IGF2BP3: variants seen among roughly 807,000 people sequenced by gnomAD.
IGF2BP3 encodes the protein insulin like growth factor 2 mRNA binding protein 3.
Under a neutral mutation model 73.8 loss-of-function variants are expected in IGF2BP3, and 9 were observed. The ratio of observed to expected loss-of-function variants is 0.12; its 90% confidence interval spans 0.07 to 0.21. IGF2BP3 has a LOEUF of 0.21. Among genes scored for constraint, IGF2BP3 ranks in the 10% least tolerant of loss-of-function variants. The pLI is 1.00. For synonymous variants in IGF2BP3, 258 were observed against 256.7 expected, an observed-to-expected ratio of 1.01 and a Z score of -0.05; for missense variants, 542 against 714.0, an observed-to-expected ratio of 0.76 and a Z score of 2.75.
At position 23,469,103 on chromosome 7, in the gene IGF2BP3, G is replaced by A. The variant is rs1788641208; in HGVS notation, c.176-561C>T. ...TGAACCAGGCGCGAAGGACGGCGAGGCGCCCGCACCACGTCTGAATTGATT... is the reference window on the plus strand; with the variant it reads ...TGAACCAGGCGCGAAGGACGGCGAGACGCCCGCACCACGTCTGAATTGATT... On this transcript the variant is annotated intron_variant, in intron 1 of 14. Coordinates refer to ENST00000258729, the MANE Select transcript of IGF2BP3 (RefSeq NM_006547.3). The surrounding 1 kb of genome is among the most constrained non-coding windows in gnomAD (Gnocchi z 6.1). 1 of 162,116 alleles carries A rather than the reference G, an allele frequency of 6.2e-6. No individual in the cohort carries two copies. Among genetic ancestry groups the A allele is most frequent in the South Asian group, 1.6e-4 (1 of 6,132 alleles). 10.0% of individuals were successfully genotyped at this position (162,116 alleles called of 1,614,324 possible).
intron 2 of IGF2BP3, among the ~76,000 whole-genome samples, chr7:23,426,981 T>C (rs1167242145): frequency 2.0e-5 from 3 of 152,206 alleles, no homozygotes; most frequent in African/African-American, 7.2e-5. Context: ...ACAGGATAAA[T>C]ACTTTATTCT....
chr7:23,444,872 A>C (rs1788022606), intron 2 of IGF2BP3, among the ~76,000 whole-genome samples: 1 of 152,180 alleles, frequency 6.6e-6, no homozygotes, highest in South Asian at 2.1e-4. Flanking sequence ...GTTGGTGACC[A>C]GTTTGAGCAA....
At chr7:23,321,615 G>C (rs1311282626) in intron 10 of IGF2BP3, among the ~76,000 whole-genome samples, 2 of 152,218 alleles carry the variant, frequency 1.3e-5, no homozygotes, top group Non-Finnish European at 2.9e-5. Context: ...CCACCTCTGG[G>C]GGCAGGGCAC....
At chr7:23,339,659 T>C (rs1276516705) in intron 10 of IGF2BP3, among the ~76,000 whole-genome samples, 2 of 152,126 alleles carry the variant, frequency 1.3e-5, no homozygotes, top group Non-Finnish European at 2.9e-5. Context: ...GACACCTCAG[T>C]TTACAAACTG....
intron 3 of IGF2BP3, among the ~76,000 whole-genome samples, chr7:23,373,023 C>T (rs1224631292): frequency 6.6e-6 from 1 of 152,170 alleles, no homozygotes; most frequent in Non-Finnish European, 1.5e-5. Flanking sequence ...CCTCATTTCC[C>T]TATGCAATTT....
At chr7:23,364,516 C>G (rs1315611437) in intron 3 of IGF2BP3, among the ~76,000 whole-genome samples, 1 of 128,336 alleles carries the variant, frequency 7.8e-6, no homozygotes, top group Non-Finnish European at 1.6e-5. Context: ...CCACTGCATT[C>G]CAGCCTGGGA....
At chr7:23,397,326 G>C (rs1182137343) in intron 3 of IGF2BP3, among the ~76,000 whole-genome samples, 1 of 152,226 alleles carries the variant, frequency 6.6e-6, no homozygotes. Context: ...CAGGGAAGGA[G>C]CTCAGCTCCA....
chr7:23,425,108 C>T (rs1179243035), intron 2 of IGF2BP3, among the ~76,000 whole-genome samples: 5 of 152,214 alleles, frequency 3.3e-5, no homozygotes, highest in Non-Finnish European at 7.3e-5. Flanking sequence ...TAGATATCCA[C>T]TAAGTGTTTA....
At chr7:23,356,383 C>T (rs1785096975) in intron 5 of IGF2BP3, among the ~76,000 whole-genome samples, 1 of 151,778 alleles carries the variant, frequency 6.6e-6, no homozygotes, top group African/African-American at 2.4e-5. Context: ...CACAGTGAGA[C>T]CCTGCCTCTA....
At chr7:23,452,753 G>A (rs2128549037) in intron 2 of IGF2BP3, among the ~76,000 whole-genome samples, 1 of 148,590 alleles carries the variant, frequency 6.7e-6, no homozygotes, top group East Asian at 2.0e-4. Flanking sequence ...AGTGAGCCGA[G>A]ATCGTGCCAT....
intron 2 of IGF2BP3, among the ~76,000 whole-genome samples, chr7:23,456,589 C>A (rs1418279907): frequency 2.0e-5 from 3 of 152,168 alleles, no homozygotes; most frequent in Non-Finnish European, 2.9e-5. Context: ...ATGAAATGGG[C>A]AAAGACTTGT....
chr7:23,468,694 C>T, intron 1 of IGF2BP3, 152 bp from the exon 2 acceptor site: 2 of 734,362 alleles, frequency 2.7e-6, no homozygotes, highest in Middle Eastern at 6.5e-4. Context: ...AGGGAGAAGC[C>T]GACCCCCTCG....
intron 2 of IGF2BP3, among the ~76,000 whole-genome samples, chr7:23,432,004 G>A (rs1471205032): frequency 6.6e-6 from 1 of 152,168 alleles, no homozygotes; most frequent in Non-Finnish European, 1.5e-5. Context: ...CAATGAGCAA[G>A]GGAACAAAGT....
intron 2 of IGF2BP3, among the ~76,000 whole-genome samples, chr7:23,421,678 G>A (rs369396261): frequency 2.8e-5 from 4 of 142,250 alleles, no homozygotes; most frequent in Middle Eastern, 3.9e-3. Context: ...GTGACAGAGC[G>A]AGACTCCATC....
chr7:23,337,935 G>C (rs1288088802), intron 10 of IGF2BP3, among the ~76,000 whole-genome samples: 1 of 152,212 alleles, frequency 6.6e-6, no homozygotes, highest in East Asian at 1.9e-4. Context: ...AGAAGCACCA[G>C]TCCTGAAGGA....
intron 3 of IGF2BP3, among the ~76,000 whole-genome samples, chr7:23,393,171 C>T (rs890724426): frequency 1.3e-5 from 2 of 152,126 alleles, no homozygotes; most frequent in Non-Finnish European, 2.9e-5. Context: ...TCCAGAAGGA[C>T]CCTTTACCTA....
intron 5 of IGF2BP3, among the ~76,000 whole-genome samples, chr7:23,355,629 G>A (rs563095960): frequency 6.6e-6 from 1 of 152,160 alleles, no homozygotes; most frequent in African/African-American, 2.4e-5. Flanking sequence ...GAATTTAAAT[G>A]TATTGATAAG....
chr7:23,423,699 T>A (rs769989252), intron 2 of IGF2BP3, among the ~76,000 whole-genome samples: 20 of 151,676 alleles, frequency 1.3e-4, no homozygotes, highest in Non-Finnish European at 2.8e-4. Context: ...ATCCAGAAAC[T>A]AACATTTCAA....
rs373481013 is a variant in IGF2BP3 at position 23,322,977 on chromosome 7, G to A, written c.1204-3723C>T. Among the ~76,000 whole-genome samples the A allele has an allele frequency of 1.1e-4, 16 of 152,242 alleles. No homozygotes were observed. The East Asian group carries it at 2.3e-3, about 22-fold the overall frequency. ...AGCCACTGCAAAATCATGCCAAAAC[G>A]TAAAGACCATCAAGACTAGGAAGAA... On this transcript the variant is annotated intron_variant, in intron 10 of 14. Transcript: ENST00000258729.
Sources: gnomAD v4.1 joint callset for allele counts (sites outside exome capture counted in the v4.1 genomes callset) on GRCh38, gnomAD v4.1.1 for gene constraint, Gnocchi (gnomAD v3.1) non-coding constraint, MANE v1.5 for transcripts, NCBI Gene and HGNC (gene_info 2026-07-23, HGNC 2026-07-21) for gene names.